Variants in DAB1 observed in about 807,000 individuals in gnomAD.
DAB1 encodes DAB adaptor protein 1.
A neutral mutation model predicts 64.6 loss-of-function variants in DAB1; 15 were observed. The ratio of observed to expected loss-of-function variants is 0.23; its 90% CI spans 0.16 to 0.36. The LOEUF is 0.36. Among genes scored for constraint, DAB1 ranks in the 10% least tolerant of loss-of-function variants. The pLI, the probability that DAB1 is intolerant of heterozygous loss-of-function variation, is 1.00. For synonymous variants in DAB1, 235 were observed against 251.9 expected (o/e 0.93, Z 0.64); for missense variants, 596 against 706.7 (o/e 0.84, Z 1.78).
intron 6 of DAB1, among the ~76,000 whole-genome samples, chr1:57,769,066 G>A (rs1048101668): frequency 1.2e-4 from 19 of 152,114 alleles, no homozygotes; most frequent in African/African-American, 4.6e-4. Context: ...TTTCCAGCAG[G>A]AGCACCTACA....
At chr1:57,130,468 C>G (rs188752014) in intron 4 of DAB1, among the ~76,000 whole-genome samples, 1 of 152,104 alleles carries the variant, frequency 6.6e-6, no homozygotes, top group Non-Finnish European at 1.5e-5. Flanking sequence ...CCCATGTTCA[C>G]TGTAGCATTA....
intron 1 of DAB1, among the ~76,000 whole-genome samples, chr1:57,423,273 G>T (rs1414963940): frequency 6.6e-6 from 1 of 151,890 alleles, no homozygotes; most frequent in Non-Finnish European, 1.5e-5. Context: ...GTGCTGGGGA[G>T]TGGATGGAGG....
intron 2 of DAB1, among the ~76,000 whole-genome samples, chr1:57,183,413 T>C (rs1274169977): frequency 8.6e-5 from 13 of 152,034 alleles, no homozygotes. Flanking sequence ...TTGTGTGCAA[T>C]GAATGAGGAA....
At chr1:57,918,445 G>A (rs1305279066) in intron 5 of DAB1, among the ~76,000 whole-genome samples, 1 of 152,036 alleles carries the variant, frequency 6.6e-6, no homozygotes, top group Admixed American at 6.6e-5. Context: ...ATACCCGAGG[G>A]GTGTCCTGCC....
intron 7 of DAB1, among the ~76,000 whole-genome samples, chr1:57,513,336 A>T (rs1438204691): frequency 5.3e-5 from 8 of 152,044 alleles, no homozygotes; most frequent in African/African-American, 1.9e-4. Context: ...AGTCCTACTC[A>T]GATGTCATTT....
At chr1:58,489,148 G>A (rs904474371) in intron 3 of DAB1, among the ~76,000 whole-genome samples, 3 of 152,208 alleles carry the variant, frequency 2.0e-5, no homozygotes, top group Non-Finnish European at 4.4e-5. Flanking sequence ...GCAAGGCATC[G>A]TGTCACCCGG....
At chr1:58,487,806 C>CT (rs1255002821) in intron 3 of DAB1, among the ~76,000 whole-genome samples, 1 of 152,118 alleles carries the variant, frequency 6.6e-6, no homozygotes, top group African/African-American at 2.4e-5. Context: ...CACACATATA[C>CT]TTTAATTACT....
intron 7 of DAB1, among the ~76,000 whole-genome samples, chr1:57,623,821 C>T (rs1290533756): frequency 2.0e-5 from 3 of 152,194 alleles, no homozygotes; most frequent in African/African-American, 7.2e-5. Context: ...CCTGTCCATG[C>T]CCTGAAGTCA....
At chr1:57,404,986 T>C (rs143607976) in intron 1 of DAB1, among the ~76,000 whole-genome samples, 1 of 152,352 alleles carries the variant, frequency 6.6e-6, no homozygotes, top group Non-Finnish European at 1.5e-5. Context: ...CAGTAACTAC[T>C]AAGTTGCTCA....
intron 6 of DAB1, among the ~76,000 whole-genome samples, chr1:57,707,427 G>C (rs963100792): frequency 3.4e-5 from 5 of 147,726 alleles, no homozygotes; most frequent in Non-Finnish European, 7.4e-5. Context: ...TTCAACTATT[G>C]AGGGGCATTT....
At chr1:57,637,569 C>T (rs1257817513) in intron 7 of DAB1, among the ~76,000 whole-genome samples, 3 of 151,960 alleles carry the variant, frequency 2.0e-5, no homozygotes, top group South Asian at 2.1e-4. Flanking sequence ...CAAGGCAGGT[C>T]GGCAGGTGAG....
chr1:57,519,035 C>T (rs764015206), intron 7 of DAB1, among the ~76,000 whole-genome samples: 10 of 152,058 alleles, frequency 6.6e-5, no homozygotes, highest in African/African-American at 1.2e-4. Flanking sequence ...ACTATTTCTT[C>T]GGCGCATAGA....
chr1:57,147,552 T>G (rs993196670), intron 2 of DAB1, among the ~76,000 whole-genome samples: 1 of 152,254 alleles, frequency 6.6e-6, no homozygotes. Flanking sequence ...ATCCGTATAA[T>G]ACTTAAGCCT....
intron 1 of DAB1, among the ~76,000 whole-genome samples, chr1:58,533,386 G>C (rs1177851198): frequency 1.3e-5 from 2 of 152,092 alleles, no homozygotes; most frequent in Non-Finnish European, 2.9e-5. Flanking sequence ...ATATAAAATA[G>C]TAATAATAAA....
chr1:57,088,259 C>T (rs1306291861), intron 4 of DAB1, among the ~76,000 whole-genome samples: 6 of 152,000 alleles, frequency 3.9e-5, no homozygotes, highest in Non-Finnish European at 8.8e-5. Context: ...TTAGTAGAGA[C>T]GGGGTTTCAC....
chr1:57,568,346 C>T (rs1645149082), intron 7 of DAB1, among the ~76,000 whole-genome samples: 1 of 152,102 alleles, frequency 6.6e-6, no homozygotes, highest in South Asian at 2.1e-4. Flanking sequence ...CAGGCAATAC[C>T]ATTCAGGACA....
chr1:58,056,541 G>T, intron 5 of DAB1: 2 of 910,496 alleles, frequency 2.2e-6, no homozygotes, highest in Non-Finnish European at 3.6e-6. Flanking sequence ...ATGTCACCTT[G>T]CTCATCACAA....
At chr1:57,630,501 T>A (rs1645976819) in intron 7 of DAB1, among the ~76,000 whole-genome samples, 1 of 152,132 alleles carries the variant, frequency 6.6e-6, no homozygotes, top group African/African-American at 2.4e-5. Flanking sequence ...TGGGGTCTAT[T>A]TATATAAAAG....
intron 5 of DAB1, among the ~76,000 whole-genome samples, chr1:58,061,644 G>A (rs1047586517): frequency 4.6e-5 from 7 of 152,124 alleles, no homozygotes; most frequent in African/African-American, 1.2e-4. Context: ...CTAAGGCACC[G>A]AATGTTAGGA....
Sources: gnomAD v4.1 joint callset for allele counts (sites outside exome capture counted in the v4.1 genomes callset) on GRCh38, gnomAD v4.1.1 for gene constraint, MANE v1.5 for transcripts, NCBI Gene and HGNC (gene_info 2026-07-23, HGNC 2026-07-21) for gene names.